Variants in RMST observed in about 807,000 individuals in gnomAD.
RMST encodes the protein rhabdomyosarcoma 2 associated transcript.
intron 11 of RMST, among the ~76,000 whole-genome samples, chr12:97,540,498 TACAC>T (rs1882416377): frequency 6.6e-6 from 1 of 151,782 alleles, no homozygotes; most frequent in Admixed American, 6.6e-5. Context: ...CATGGATTAA[TACAC>T]ACTTGGATTA....
intron 10 of RMST, among the ~76,000 whole-genome samples, chr12:97,509,697 C>T (rs757672303): frequency 1.3e-5 from 2 of 152,290 alleles, no homozygotes; most frequent in African/African-American, 2.4e-5. Context: ...AACATCACCT[C>T]CTTATCTCTC....
chr12:97,506,206 C>A (rs1248537232), intron 10 of RMST, among the ~76,000 whole-genome samples: 1 of 152,174 alleles, frequency 6.6e-6, no homozygotes, highest in South Asian at 2.1e-4. Context: ...ACTATCTTTT[C>A]AAATGTCCAA....
chr12:97,485,812 C>A (rs568041003), intron 5 of RMST, among the ~76,000 whole-genome samples: 2 of 152,310 alleles, frequency 1.3e-5, no homozygotes, highest in South Asian at 4.1e-4. Context: ...ACTAGTCTCT[C>A]AGCATTTACA....
chr12:97,469,195 T>C (rs1315850645), intron 5 of RMST, among the ~76,000 whole-genome samples: 1 of 147,180 alleles, frequency 6.8e-6, no homozygotes, highest in Non-Finnish European at 1.5e-5. Flanking sequence ...TGTGTATATA[T>C]ATACACATTT....
chr12:97,500,479 C>T (rs1365493147), intron 10 of RMST, among the ~76,000 whole-genome samples: 3 of 152,182 alleles, frequency 2.0e-5, no homozygotes, highest in South Asian at 2.1e-4. Context: ...ATAATGACTG[C>T]TGACTTGAGG....
chr12:97,539,144 A>T (rs1448518804), intron 11 of RMST, among the ~76,000 whole-genome samples: 1 of 151,640 alleles, frequency 6.6e-6, no homozygotes, highest in African/African-American at 2.4e-5. Context: ...TATGATTAAT[A>T]GTACACTGTC....
intron 10 of RMST, among the ~76,000 whole-genome samples, chr12:97,517,342 G>A (rs1880040493): frequency 6.6e-6 from 1 of 151,764 alleles, no homozygotes; most frequent in Admixed American, 6.6e-5. Flanking sequence ...TATTATATAA[G>A]TTAAAATTTT....
chr12:97,490,862 A>G lies in RMST; in HGVS notation n.645-1599A>G, dbSNP rs1184074901. Among the ~76,000 whole-genome samples the G allele has an allele frequency of 3.9e-5, 6 of 152,226 alleles. No individual in the cohort carries two copies. In the East Asian group the frequency reaches 1.2e-3, roughly 29 times the overall value. ...CACCCAGCGAAAGGGGATTTGATGT[A>G]TAAATTGCACAACTATCAAACTGCA... On this transcript the variant is annotated intron_variant and non_coding_transcript_variant, in intron 5 of 13. Coordinates refer to ENST00000640149, the Ensembl canonical transcript of RMST.
intron 13 of RMST, among the ~76,000 whole-genome samples, chr12:97,562,492 G>A (rs543243010): frequency 6.6e-6 from 1 of 152,160 alleles, no homozygotes; most frequent in Non-Finnish European, 1.5e-5. Flanking sequence ...GGAGAGCTGA[G>A]CCAGCTGGGG....
chr12:97,510,058 C>T (rs1592706862), intron 10 of RMST, among the ~76,000 whole-genome samples: 1 of 152,174 alleles, frequency 6.6e-6, no homozygotes, highest in South Asian at 2.1e-4. Context: ...TAATTATTAG[C>T]TAATAGATTA....
intron 11 of RMST, among the ~76,000 whole-genome samples, chr12:97,557,090 T>G (rs1358683786): frequency 6.6e-6 from 1 of 152,232 alleles, no homozygotes; most frequent in Non-Finnish European, 1.5e-5. Flanking sequence ...TTTCATCATT[T>G]GAAATTTTAT....
chr12:97,555,045 T>C (rs1360855111), intron 11 of RMST, among the ~76,000 whole-genome samples: 3 of 152,084 alleles, frequency 2.0e-5, no homozygotes, highest in African/African-American at 4.8e-5. Flanking sequence ...GAAAGAAAAG[T>C]CAGATGTTAA....
chr12:97,525,305 G>A (rs903797044), intron 10 of RMST, among the ~76,000 whole-genome samples: 2 of 152,274 alleles, frequency 1.3e-5, no homozygotes, highest in Admixed American at 6.5e-5. Context: ...GCAAAAGGTA[G>A]TGAGGTCATG....
intron 5 of RMST, among the ~76,000 whole-genome samples, chr12:97,483,245 G>A (rs544358234): frequency 1.4e-4 from 21 of 152,290 alleles, no homozygotes; most frequent in African/African-American, 5.1e-4. Flanking sequence ...TTAAGCCCAT[G>A]CTCTGAAACA....
intron 10 of RMST, among the ~76,000 whole-genome samples, chr12:97,503,516 G>C (rs1485995699): frequency 6.6e-6 from 1 of 150,746 alleles, no homozygotes; most frequent in Non-Finnish European, 1.5e-5. Flanking sequence ...GAGGACTAAT[G>C]ACTGTAACCA....
At chr12:97,525,436 G>C (rs1880995905) in intron 10 of RMST, among the ~76,000 whole-genome samples, 1 of 152,068 alleles carries the variant, frequency 6.6e-6, no homozygotes, top group Non-Finnish European at 1.5e-5. Context: ...AGAATAGACT[G>C]CATATTCAAG....
intron 5 of RMST, among the ~76,000 whole-genome samples, chr12:97,488,420 A>G (rs920805288): frequency 2.0e-5 from 3 of 152,202 alleles, no homozygotes; most frequent in Non-Finnish European, 2.9e-5. Flanking sequence ...GCTACACACC[A>G]ACCCCTTTAT....
At chr12:97,557,117 A>G (rs1366485952) in intron 11 of RMST, among the ~76,000 whole-genome samples, 2 of 152,246 alleles carry the variant, frequency 1.3e-5, no homozygotes, top group Admixed American at 6.5e-5. Flanking sequence ...TGATAATAGA[A>G]TCACAGTCCT....
At chr12:97,502,257 G>T (rs1878160476) in intron 10 of RMST, among the ~76,000 whole-genome samples, 1 of 152,004 alleles carries the variant, frequency 6.6e-6, no homozygotes, top group Admixed American at 6.6e-5. Flanking sequence ...GCTTTGTCTT[G>T]GTGTAAAATC....
Sources: gnomAD v4.1 joint callset for allele counts (sites outside exome capture counted in the v4.1 genomes callset) on GRCh38, gnomAD v4.1.1 for gene constraint, MANE v1.5 for transcripts, NCBI Gene and HGNC (gene_info 2026-07-23, HGNC 2026-07-21) for gene names.